The following UTRN variants were observed in gnomAD, a reference collection of about 807,000 sequenced individuals.
UTRN encodes dystrophin-related protein 1.
Under a neutral mutation model 463.9 loss-of-function variants are expected in UTRN, and 283 were observed. The observed-to-expected ratio is 0.61, with a 90% CI of 0.55 to 0.67. The LOEUF (loss-of-function observed/expected upper bound fraction) is 0.67. Among genes scored for constraint, UTRN ranks in the 30% least tolerant of loss-of-function variants. The pLI is 0.00. For synonymous variants in UTRN, 1,442 were observed against 1,431.5 expected (o/e 1.01, Z -0.17); for missense variants, 3,922 against 4,084.3 (o/e 0.96, Z 1.08).
intron 51 of UTRN, among the ~76,000 whole-genome samples, chr6:144,618,471 G>T (rs992496024): frequency 7.5e-4 from 114 of 152,226 alleles, no homozygotes; most frequent in African/African-American, 2.6e-3. Context: ...AACTAGGCAT[G>T]TACAAAACAC....
At chr6:144,774,147 G>T (rs139724348) in intron 59 of UTRN, 143 bp from the exon 60 acceptor site, 3 of 761,000 alleles carry the variant, frequency 3.9e-6, no homozygotes, top group East Asian at 2.9e-5. Flanking sequence ...TCTTAAATAC[G>T]TGTTGGGGAA....
intron 2 of UTRN, among the ~76,000 whole-genome samples, chr6:144,387,721 G>C (rs7763097): frequency 0.096 from 14,641 of 152,158 alleles, 756 homozygotes; most frequent in Admixed American, 0.17. Flanking sequence ...AAATATGTGG[G>C]CTTTATCCAG....
At position 144,399,702 on chromosome 6, in the gene UTRN, G is replaced by A. The variant is rs116675700; in HGVS notation, c.80-3421G>A. ...GAGGTGATTTGTGTGCTTTCATAGG[G>A]GAAACAACTCCTAATTTCTCTGCCA... On this transcript the variant is annotated intron_variant, in intron 2 of 74. Coordinates refer to ENST00000367545, the MANE Select transcript of UTRN (RefSeq NM_007124.3). Among the ~76,000 whole-genome samples, 500 of 152,160 alleles carry A rather than the reference G, an allele frequency of 3.3e-3. 1 individual carries two copies. Among genetic ancestry groups the A allele is most frequent in the African/African-American group, 0.01 (429 of 41,502 alleles).
At chr6:144,379,872 TGA>T (rs1780758967) in intron 2 of UTRN, among the ~76,000 whole-genome samples, 1 of 152,230 alleles carries the variant, frequency 6.6e-6, no homozygotes, top group Non-Finnish European at 1.5e-5. Flanking sequence ...GGTCCAAGAC[TGA>T]TCCTTTAGGA....
At chr6:144,468,584 T>C (rs1045341635) in intron 23 of UTRN, among the ~76,000 whole-genome samples, 1 of 148,358 alleles carries the variant, frequency 6.7e-6, no homozygotes, top group Admixed American at 6.6e-5. Context: ...CTGAAGTCCC[T>C]TAAAGAAATG....
At chr6:144,339,354 G>C (rs144245427) in intron 2 of UTRN, among the ~76,000 whole-genome samples, 1 of 152,310 alleles carries the variant, frequency 6.6e-6, no homozygotes, top group Non-Finnish European at 1.5e-5. Flanking sequence ...AATTTTTGAA[G>C]TATTGCTTGT....
chr6:144,370,960 G>C (rs776521299), intron 2 of UTRN, among the ~76,000 whole-genome samples: 2 of 152,164 alleles, frequency 1.3e-5, no homozygotes, highest in Admixed American at 6.5e-5. Flanking sequence ...TGTCCTCCCT[G>C]AGCTCACCTT....
chr6:144,363,766 A>C (rs979808533), intron 2 of UTRN, among the ~76,000 whole-genome samples: 1 of 151,730 alleles, frequency 6.6e-6, no homozygotes, highest in African/African-American at 2.4e-5. Flanking sequence ...CCTTCATGAA[A>C]GGGGGTACCA....
intron 4 of UTRN, among the ~76,000 whole-genome samples, chr6:144,422,267 T>C (rs1367944060): frequency 6.6e-6 from 1 of 152,182 alleles, no homozygotes; most frequent in East Asian, 1.9e-4. Flanking sequence ...GAGGACACAA[T>C]GTTTTGAACA....
chr6:144,441,948 G>A (rs1787214026), intron 13 of UTRN, among the ~76,000 whole-genome samples: 2 of 152,136 alleles, frequency 1.3e-5, no homozygotes, highest in Admixed American at 1.3e-4. Context: ...TGGAGCAGCT[G>A]GGATGCAGGG....
chr6:144,389,985 G>A (rs1383896706), intron 2 of UTRN, among the ~76,000 whole-genome samples: 1 of 152,204 alleles, frequency 6.6e-6, no homozygotes, highest in African/African-American at 2.4e-5. Flanking sequence ...AAAGAATATA[G>A]TTTGACAGGA....
At chr6:144,523,455 G>A (rs996752867) in intron 41 of UTRN, among the ~76,000 whole-genome samples, 5 of 152,042 alleles carry the variant, frequency 3.3e-5, no homozygotes, top group African/African-American at 7.2e-5. Context: ...GATTACAGGC[G>A]CACACCACCA....
intron 51 of UTRN, among the ~76,000 whole-genome samples, chr6:144,634,895 A>G (rs1431520903): frequency 6.6e-6 from 1 of 152,058 alleles, no homozygotes; most frequent in Admixed American, 6.5e-5. Context: ...TGGATAGGCT[A>G]CATTTTGTTT....
chr6:144,676,604 C>G (rs751966529), intron 51 of UTRN, among the ~76,000 whole-genome samples: 2 of 151,440 alleles, frequency 1.3e-5, no homozygotes, highest in Admixed American at 1.3e-4. Flanking sequence ...TATACATGTG[C>G]CATGTTGGTT....
At chr6:144,483,700 TG>T (rs1342303097) in intron 27 of UTRN, among the ~76,000 whole-genome samples, 1 of 152,208 alleles carries the variant, frequency 6.6e-6, no homozygotes, top group African/African-American at 2.4e-5. Context: ...CCTCCTGCCT[TG>T]GCCTACCAAA....
chr6:144,493,848 CA>C (rs1375853540), intron 33 of UTRN, among the ~76,000 whole-genome samples: 1 of 150,416 alleles, frequency 6.6e-6, no homozygotes, highest in African/African-American at 2.4e-5. Context: ...AACAAATTTC[CA>C]AAAAAAAATT....
Position 144,840,765 on chromosome 6 carries a change from G to C in UTRN, c.10203G>C (p.Pro3401=), listed in dbSNP as rs763917902. The C allele has an allele frequency of 3.7e-6, 6 of 1,613,940 alleles. No homozygotes were observed. The South Asian group carries it at 6.6e-5, about 18-fold the overall frequency. The part of the protein sequence containing the change: ...QAAGEDLLAP[P]HDTSTDLTEV... The stretch of plus-strand genomic sequence containing the variant: ...CGGGAGAGGACCTGCTGGCCCCACC[G>C]CACGACACCAGCACGGATCTCACGG... Residue 3401 remains proline (P), a synonymous_variant, in exon 73 of 75, where the codon CCG becomes CCC. Transcript: ENST00000367545.
intron 15 of UTRN, 110 bp downstream of exon 15, chr6:144,447,428 C>T (rs1450745828): frequency 1.2e-5 from 15 of 1,276,858 alleles, no homozygotes; most frequent in Middle Eastern, 1.9e-4. Context: ...CATTACCTAG[C>T]ATTAGACTGC....
chr6:144,485,524 G>C lies in UTRN; in HGVS notation c.3822+5G>C. 1 of 1,612,802 alleles carries C rather than the reference G, an allele frequency of 6.2e-7. No homozygotes were observed. Among genetic ancestry groups the C allele is most frequent in the Non-Finnish European group, 8.5e-7 (1 of 1,179,538 alleles). Reference sequence around the variant, plus strand: ...GCTGTCAACGAAGCCCTGGAGGTTGGAACCCGTGATCTCCACGGCATTTCT... The same window carrying C: ...GCTGTCAACGAAGCCCTGGAGGTTGCAACCCGTGATCTCCACGGCATTTCT... On this transcript the variant is annotated splice_donor_5th_base_variant and intron_variant, in intron 28 of 74. Transcript: ENST00000367545.
Sources: gnomAD v4.1 joint callset for allele counts (sites outside exome capture counted in the v4.1 genomes callset) on GRCh38, gnomAD v4.1.1 for gene constraint, MANE v1.5 for transcripts, NCBI Gene and HGNC (gene_info 2026-07-23, HGNC 2026-07-21) for gene names.